MAP3K5: variants seen among roughly 807,000 people sequenced by gnomAD.
MAP3K5 encodes the protein ASK-1.
MAP3K5 carries 56 observed loss-of-function variants against 158.7 expected under a neutral mutation model. The observed-to-expected ratio is 0.35, with a 90% CI of 0.28 to 0.44. The LOEUF (loss-of-function observed/expected upper bound fraction) is 0.44. MAP3K5 is among the 20% of genes least tolerant of loss of function. The pLI is 1.00. For missense variants in MAP3K5, 1,294 were observed against 1,674.8 expected (o/e 0.77, Z 3.97); for synonymous variants, 579 against 601.7 (o/e 0.96, Z 0.55).
In MAP3K5 at chr6:136,622,262, C is replaced by T. The variant is rs60677777; in HGVS notation, c.2150+586G>A. Among the ~76,000 whole-genome samples, 2,052 of 152,198 alleles carry T rather than the reference C, an allele frequency of 0.013. 120 individuals carry two copies. In the East Asian group the frequency reaches 0.15, roughly 11 times the overall value. ...CCACTGGAGTTTTTAACTCAGACTT[C>T]ACAGTGGGCCTCTAGAGATTTGTCA... On this transcript the variant is annotated intron_variant, in intron 15 of 29. Coordinates refer to ENST00000359015, the MANE Select transcript of MAP3K5 (RefSeq NM_005923.4).
At position 136,613,153 on chromosome 6, in the gene MAP3K5, G is replaced by A. The variant is rs1235423771; in HGVS notation, c.2382C>T (p.Leu794=). ...CCCGGTGAACTATCTGATTGTCATG[G>A]AGATATTTTAATCCTTCCAGTATTT... ...TKQILEGLKY[L]HDNQIVHRDI... Residue 794 remains leucine (L), a synonymous_variant, in exon 17 of 30, where the codon CTC becomes CTT. Transcript: ENST00000359015. The surrounding 1 kb of genome is among the most constrained non-coding windows in gnomAD (Gnocchi z 4.0). 1 of 1,612,308 alleles carries A rather than the reference G, an allele frequency of 6.2e-7. No homozygotes were observed. The highest frequency in any genetic ancestry group is 8.5e-7 in the Non-Finnish European group (1 of 1,179,304).
intron 24 of MAP3K5, 21 bp downstream of exon 24, chr6:136,583,534 C>A: frequency 1.3e-6 from 2 of 1,588,286 alleles, no homozygotes; most frequent in Non-Finnish European, 1.7e-6. Flanking sequence ...TGGGAAAACA[C>A]TGGCAAAATA....
intron 6 of MAP3K5, among the ~76,000 whole-genome samples, chr6:136,695,546 C>T (rs1339925826): frequency 6.6e-6 from 1 of 152,230 alleles, no homozygotes; most frequent in Non-Finnish European, 1.5e-5. Flanking sequence ...TTGGTAATAA[C>T]TATCTAACAC....
intron 15 of MAP3K5, 111 bp downstream of exon 15, chr6:136,622,737 G>A: frequency 8.4e-7 from 1 of 1,188,638 alleles, no homozygotes; most frequent in Non-Finnish European, 1.2e-6. Context: ...CTAATTCACA[G>A]AGTGAAGTTT....
intron 1 of MAP3K5, among the ~76,000 whole-genome samples, chr6:136,784,639 G>A (rs1784763583): frequency 6.6e-6 from 1 of 152,138 alleles, no homozygotes; most frequent in Non-Finnish European, 1.5e-5. Flanking sequence ...GCTGAAAGGT[G>A]GGAAGGGGCT....
chr6:136,785,224 C>T (rs1784792348), intron 1 of MAP3K5, among the ~76,000 whole-genome samples: 1 of 152,168 alleles, frequency 6.6e-6, no homozygotes, highest in Admixed American at 6.5e-5. Flanking sequence ...AGGAGCTTTG[C>T]TGGAAGCAAG....
At chr6:136,688,714 A>G (rs1173174364) in intron 7 of MAP3K5, among the ~76,000 whole-genome samples, 1 of 152,200 alleles carries the variant, frequency 6.6e-6, no homozygotes, top group Non-Finnish European at 1.5e-5. Context: ...TCAGTCTTCT[A>G]AATTATTTTG....
Position 136,690,403 on chromosome 6 carries a change from G to A in MAP3K5, c.1253+3737C>T, listed in dbSNP as rs188753590. Among the ~76,000 whole-genome samples the A allele has an allele frequency of 3.9e-4, 59 of 152,238 alleles. No homozygotes were observed. In the East Asian group the frequency reaches 8.3e-3, roughly 21 times the overall value. On this transcript the variant is annotated intron_variant, in intron 7 of 29. Transcript: ENST00000359015. ...AATCTGCTGGACCTAGGGGAGGCAA[G>A]TTCTCAACTTTCCTCAATAATGCCA...
chr6:136,709,183 T>C (rs2114726507), intron 2 of MAP3K5, among the ~76,000 whole-genome samples: 1 of 152,352 alleles, frequency 6.6e-6, no homozygotes, highest in East Asian at 1.9e-4. Context: ...ATTTTATTCA[T>C]ATTTGTATCC....
chr6:136,621,784 C>T (rs960630407), intron 15 of MAP3K5, among the ~76,000 whole-genome samples: 4 of 152,140 alleles, frequency 2.6e-5, no homozygotes, highest in African/African-American at 9.7e-5. Context: ...AATGCTTCAG[C>T]GTATTTAAAA....
chr6:136,755,336 C>T (rs1014991635), intron 1 of MAP3K5, among the ~76,000 whole-genome samples: 5 of 152,094 alleles, frequency 3.3e-5, no homozygotes, highest in African/African-American at 1.2e-4. Flanking sequence ...CCTCACTCTT[C>T]ACCTAGGCCC....
intron 2 of MAP3K5, among the ~76,000 whole-genome samples, chr6:136,715,392 TAAAAAGTACAAAAA>T: frequency 6.6e-6 from 1 of 152,196 alleles, no homozygotes; most frequent in South Asian, 2.1e-4. Flanking sequence ...TTCAAGTATA[TAAAAAGTACAAAAA>T]TTAGCACTCA....
intron 7 of MAP3K5, among the ~76,000 whole-genome samples, chr6:136,671,607 G>T (rs1400745562): frequency 6.6e-6 from 1 of 152,002 alleles, no homozygotes; most frequent in Non-Finnish European, 1.5e-5. Flanking sequence ...CAAAACTATA[G>T]AATTTTTGTT....
At chr6:136,735,922 A>G (rs1782441020) in intron 1 of MAP3K5, among the ~76,000 whole-genome samples, 1 of 152,222 alleles carries the variant, frequency 6.6e-6, no homozygotes. Context: ...TGCATTCCTT[A>G]TCAAAAAAGC....
intron 7 of MAP3K5, among the ~76,000 whole-genome samples, chr6:136,681,919 A>T (rs1049897845): frequency 6.7e-6 from 1 of 148,232 alleles, no homozygotes; most frequent in African/African-American, 2.5e-5. Context: ...ACTCTGTTTT[A>T]AAAAAAAAAA....
chr6:136,607,586 A>G (rs1007739077), intron 18 of MAP3K5, among the ~76,000 whole-genome samples: 1 of 152,254 alleles, frequency 6.6e-6, no homozygotes, highest in Non-Finnish European at 1.5e-5. Context: ...TCTAAAACTC[A>G]TACCTCACAT....
intron 7 of MAP3K5, among the ~76,000 whole-genome samples, chr6:136,689,823 T>C (rs1388450210): frequency 6.6e-6 from 1 of 152,196 alleles, no homozygotes; most frequent in African/African-American, 2.4e-5. Context: ...GTCTCTTGTA[T>C]TCTGTTTTGG....
chr6:136,730,721 CAA>C (rs377188561), intron 1 of MAP3K5, among the ~76,000 whole-genome samples: 1 of 87,380 alleles, frequency 1.1e-5, no homozygotes, highest in Non-Finnish European at 2.1e-5. Flanking sequence ...AACTCTGCCT[CAA>C]AAAAAAAAAA....
At chr6:136,607,618 T>TA (rs1286216712) in intron 18 of MAP3K5, among the ~76,000 whole-genome samples, 10 of 152,224 alleles carry the variant, frequency 6.6e-5, no homozygotes, top group African/African-American at 9.6e-5. Flanking sequence ...AAAGTTTTTT[T>TA]AAAAAATTGC....
Sources: allele counts gnomAD v4.1 joint callset (sites outside exome capture counted in the v4.1 genomes callset), GRCh38; gene constraint gnomAD v4.1.1; non-coding constraint Gnocchi (gnomAD v3.1); transcripts MANE v1.5; gene names NCBI Gene and HGNC (gene_info 2026-07-23, HGNC 2026-07-21).